Variants in FOXP2 observed in about 807,000 individuals in gnomAD.
The protein encoded by FOXP2 is forkhead box protein P2.
Under a neutral mutation model 115.8 loss-of-function variants are expected in FOXP2, and 12 were observed. That is an observed-to-expected ratio of 0.10 (90% CI 0.07 to 0.17). The LOEUF is 0.17. Ranked by LOEUF, FOXP2 falls within the 10% of genes least tolerant of loss-of-function variation. The pLI is 1.00. For missense variants in FOXP2, 629 were observed against 843.5 expected (o/e 0.75, Z 3.15); for synonymous variants, 328 against 297.7 (o/e 1.10, Z -1.05).
intron 2 of FOXP2, among the ~76,000 whole-genome samples, chr7:114,375,870 A>G (rs765470313): frequency 4.6e-5 from 7 of 152,236 alleles, no homozygotes; most frequent in Non-Finnish European, 1.0e-4. Context: ...CTAAAACAAG[A>G]TATGGGGTCT....
intron 3 of FOXP2, among the ~76,000 whole-genome samples, chr7:114,592,713 T>C (rs1390025483): frequency 6.6e-6 from 1 of 152,060 alleles, no homozygotes; most frequent in East Asian, 1.9e-4. Flanking sequence ...ACAATGAATA[T>C]TACAATAATA....
intron 2 of FOXP2, among the ~76,000 whole-genome samples, chr7:114,364,538 T>C (rs1285337269): frequency 1.3e-5 from 2 of 152,224 alleles, no homozygotes; most frequent in Non-Finnish European, 2.9e-5. Flanking sequence ...GTTTGCTGTT[T>C]GTTAATCTTA....
At chr7:114,176,227 T>TC (rs1793290229) in intron 1 of FOXP2, among the ~76,000 whole-genome samples, 154 of 149,310 alleles carry the variant, frequency 1.0e-3, no homozygotes, top group African/African-American at 3.7e-3. Flanking sequence ...TTGTCTTGTC[T>TC]TGTCTTTTCT....
chr7:114,507,357 T>C (rs536940483), intron 2 of FOXP2, among the ~76,000 whole-genome samples: 1 of 152,054 alleles, frequency 6.6e-6, no homozygotes, highest in South Asian at 2.1e-4. Context: ...CAACTACTTA[T>C]TTATTCATAA....
upstream of FOXP2, among the ~76,000 whole-genome samples, chr7:114,412,681 A>C (rs955341330): frequency 1.3e-5 from 2 of 152,130 alleles, no homozygotes; most frequent in Non-Finnish European, 2.9e-5. Context: ...GGAGGCACCT[A>C]TGGCTTGATA....
At chr7:114,577,515 G>C (rs1217158040) in intron 3 of FOXP2, among the ~76,000 whole-genome samples, 1 of 151,956 alleles carries the variant, frequency 6.6e-6, no homozygotes, top group African/African-American at 2.4e-5. Context: ...CCAAGCTAGA[G>C]AATTCAAAAT....
At chr7:114,571,399 G>A (rs1227722483) in intron 3 of FOXP2, among the ~76,000 whole-genome samples, 1 of 151,826 alleles carries the variant, frequency 6.6e-6, no homozygotes, top group South Asian at 2.1e-4. Context: ...GTTATCCTTG[G>A]AAATGGATAG....
At chr7:114,505,405 G>A (rs1217017747) in intron 2 of FOXP2, among the ~76,000 whole-genome samples, 1 of 151,406 alleles carries the variant, frequency 6.6e-6, no homozygotes, top group East Asian at 1.9e-4. Context: ...CCTTTAAAAT[G>A]TCAGGCTTTT....
intron 3 of FOXP2, among the ~76,000 whole-genome samples, chr7:114,538,970 A>G (rs988148381): frequency 3.2e-4 from 48 of 152,030 alleles, no homozygotes; most frequent in African/African-American, 1.1e-3. Context: ...AATTGAATTT[A>G]TGAGAAATGT....
chr7:114,444,228 C>CCTTACT (rs1351791544), intron 2 of FOXP2, among the ~76,000 whole-genome samples: 1 of 152,054 alleles, frequency 6.6e-6, no homozygotes, highest in Non-Finnish European at 1.5e-5. Context: ...GTTATCTGTG[C>CCTTACT]CTTACTCTTG....
In FOXP2 at chr7:114,677,722, A is replaced by G. The variant is rs530267117; in HGVS notation, c.2004-12060A>G. Among the ~76,000 whole-genome samples, 3 of 152,316 alleles carry G rather than the reference A, an allele frequency of 2.0e-5. No individual in the cohort carries two copies. The East Asian group carries it at 5.8e-4, about 29-fold the overall frequency. ...AATTTGTTTATCAGTGTATCAGTGT[A>G]GTTAGTCCTCTGTTTGTGTTTTTGG... On this transcript the variant is annotated intron_variant, in intron 16 of 16. Transcript: ENST00000350908.
intron 2 of FOXP2, among the ~76,000 whole-genome samples, chr7:114,512,671 T>A (rs1302677642): frequency 6.6e-6 from 1 of 152,190 alleles, no homozygotes; most frequent in Non-Finnish European, 1.5e-5. Context: ...GAATGGAGAA[T>A]AGGATAATCT....
Position 114,251,057 on chromosome 7 carries a change from G to C in FOXP2, c.-101-36962G>C, listed in dbSNP as rs145407569. 2.4e-3 allele frequency among the ~76,000 whole-genome samples: 365 copies of C among 152,130 alleles called. 1 individual carries two copies. The highest frequency in any genetic ancestry group is 8.4e-3 in the African/African-American group (350 of 41,522). On this transcript the variant is annotated intron_variant, in intron 1 of 17. Coordinates refer to the FOXP2 transcript ENST00000634411. ...AGCACCATTTATTAAATAGGGAATCGTTTCCCCATTTCTTGCTTTTGTCAG... is the reference window on the plus strand; with the variant it reads ...AGCACCATTTATTAAATAGGGAATCCTTTCCCCATTTCTTGCTTTTGTCAG...
chr7:114,592,577 C>G (rs933396656), intron 3 of FOXP2, among the ~76,000 whole-genome samples: 4 of 151,810 alleles, frequency 2.6e-5, no homozygotes, highest in African/African-American at 7.3e-5. Flanking sequence ...GTAAATATTG[C>G]CCCCCTTTCT....
At chr7:114,298,758 G>A (rs1388308830) in intron 2 of FOXP2, among the ~76,000 whole-genome samples, 3 of 152,170 alleles carry the variant, frequency 2.0e-5, no homozygotes, top group South Asian at 2.1e-4. Context: ...CTGGTGGCCT[G>A]AAACACAGTA....
intron 1 of FOXP2, among the ~76,000 whole-genome samples, chr7:114,274,934 C>A (rs1796152572): frequency 6.6e-6 from 1 of 151,988 alleles, no homozygotes; most frequent in African/African-American, 2.4e-5. Context: ...GGATTGCAGG[C>A]TACCATGCTT....
chr7:114,578,214 C>G (rs1181842518), intron 3 of FOXP2, among the ~76,000 whole-genome samples: 1 of 151,876 alleles, frequency 6.6e-6, no homozygotes, highest in Non-Finnish European at 1.5e-5. Context: ...TATATTGAGG[C>G]TGGAAAACAT....
At chr7:114,278,574 G>A (rs1796251105) in intron 1 of FOXP2, among the ~76,000 whole-genome samples, 1 of 152,052 alleles carries the variant, frequency 6.6e-6, no homozygotes, top group African/African-American at 2.4e-5. Flanking sequence ...GGCTGGTCTT[G>A]AACTCCTGAC....
chr7:114,448,533 G>T (rs1338612900), intron 2 of FOXP2, among the ~76,000 whole-genome samples: 1 of 152,076 alleles, frequency 6.6e-6, no homozygotes, highest in Admixed American at 6.6e-5. Flanking sequence ...TTAAGTTAAT[G>T]CCTTTTTCTA....
Sources: allele counts gnomAD v4.1 joint callset (sites outside exome capture counted in the v4.1 genomes callset), GRCh38; gene constraint gnomAD v4.1.1; transcripts MANE v1.5; gene names NCBI Gene and HGNC (gene_info 2026-07-23, HGNC 2026-07-21).